NSUN4: variants seen among roughly 807,000 people sequenced by gnomAD.
NSUN4 encodes 5-cytosine rRNA methyltransferase NSUN4.
NSUN4 carries 31 observed loss-of-function variants against 43.8 expected under a neutral mutation model. The ratio of observed to expected loss-of-function variants is 0.71; its 90% confidence interval spans 0.53 to 0.96. NSUN4 has a LOEUF of 0.96. NSUN4 is among the 40% of genes least tolerant of loss of function. NSUN4 has a pLI of 0.00. For missense variants in NSUN4, 439 were observed against 475.6 expected (o/e 0.92, Z 0.72); for synonymous variants, 167 against 184.1 (o/e 0.91, Z 0.75).
At chr1:46,344,679 G>A in intron 1 of NSUN4, 122 bp from the exon 2 acceptor site, 2 of 791,246 alleles carry the variant, frequency 2.5e-6, no homozygotes, top group South Asian at 1.7e-5. Flanking sequence ...CAGGCAGGAT[G>A]CAAAAGCAGG....
chr1:46,351,202 C>G (rs1662952537), intron 3 of NSUN4, among the ~76,000 whole-genome samples: 1 of 151,986 alleles, frequency 6.6e-6, no homozygotes, highest in African/African-American at 2.4e-5. Flanking sequence ...CCCGTCTCTA[C>G]TAAAAATACA....
At chr1:46,346,672 C>T (rs1397733397) in intron 2 of NSUN4, among the ~76,000 whole-genome samples, 2 of 152,016 alleles carry the variant, frequency 1.3e-5, no homozygotes, top group Non-Finnish European at 2.9e-5. Context: ...TGCAGCGAGA[C>T]GAGATCGTGC....
Position 46,362,241 on chromosome 1 carries a change from G to C in NSUN4, c.*395G>C. On this transcript the variant is annotated 3_prime_UTR_variant, in exon 6 of 6. Transcript: ENST00000474844. The stretch of plus-strand genomic sequence containing the variant: ...CTTCATGTCAGTGCAAATGCCATTA[G>C]TTCCATTTGTACCAGCCAGTTACTG... The C allele has an allele frequency of 5.1e-6, 1 of 195,994 alleles. No homozygotes were observed. Among genetic ancestry groups the C allele is most frequent in the South Asian group, 1.1e-4 (1 of 9,146 alleles). 12.1% of individuals were successfully genotyped at this position (195,994 alleles called of 1,614,324 possible).
At chr1:46,356,431 G>A (rs917632944) in intron 4 of NSUN4, among the ~76,000 whole-genome samples, 2 of 152,180 alleles carry the variant, frequency 1.3e-5, no homozygotes, top group South Asian at 2.1e-4. Context: ...GGTGGCTCAC[G>A]CCTGTATTCC....
chr1:46,374,086 A>C, the NSUN4 span, among the ~76,000 whole-genome samples: 1 of 152,082 alleles, frequency 6.6e-6, no homozygotes, highest in Non-Finnish European at 1.5e-5. Context: ...CAGGAGTTTG[A>C]GATCAGCTTG....
chr1:46,343,957 G>A (rs1662302453), intron 1 of NSUN4: 1 of 395,998 alleles, frequency 2.5e-6, no homozygotes, highest in South Asian at 1.4e-4. Context: ...GAGGGCCAGA[G>A]CAAAAGTTCT....
At chr1:46,349,382 C>G (rs962703560) in intron 3 of NSUN4, among the ~76,000 whole-genome samples, 18 of 152,100 alleles carry the variant, frequency 1.2e-4, no homozygotes, top group Non-Finnish European at 2.6e-4. Context: ...CCTCGTGATC[C>G]GCCCACCTTG....
the NSUN4 span, among the ~76,000 whole-genome samples, chr1:46,381,649 C>T: frequency 0.22 from 34,104 of 151,998 alleles, 4,292 homozygotes; most frequent in Non-Finnish European, 0.29. Flanking sequence ...TTCCCTAGGA[C>T]TATATATTAT....
At position 46,352,966 on chromosome 1, in the gene NSUN4, G is replaced by C; in HGVS notation, c.691G>C (p.Val231Leu). ...VPEEIRDGNQVRVTSWDGRKW... is the reference protein window; with the variant it reads ...VPEEIRDGNQLRVTSWDGRKW... ...TGAAGAGATCAGGGATGGAAATCAA[G>C]TTCGAGTTACCTCATGGGATGGCAG... The change falls in exon 4 of 6, where the codon GTT becomes CTT. Residue 231 changes from valine to leucine, a missense_variant. By Grantham distance (32) the Val-to-Leu change is conservative (BLOSUM62 1). Transcript: ENST00000474844. The C allele has an allele frequency of 6.2e-7, 1 of 1,614,212 alleles. No homozygotes were observed. The highest frequency in any genetic ancestry group is 8.5e-7 in the Non-Finnish European group (1 of 1,180,016).
Position 46,347,118 on chromosome 1 carries a change from C to T in NSUN4, c.592+43C>T, listed in dbSNP as rs1401325593. The T allele has an allele frequency of 3.1e-6, 5 of 1,591,424 alleles. No homozygotes were observed. The African/African-American group carries it at 6.7e-5, about 21-fold the overall frequency. On this transcript the variant is annotated intron_variant, in intron 3 of 5. Coordinates refer to ENST00000474844, the MANE Select transcript of NSUN4 (RefSeq NM_199044.4). ...TGTGTTGGGCAGAGAGAGCTCCCCA[C>T]CTCACCTAGTCCCAGGTACATTTAA...
the NSUN4 span, among the ~76,000 whole-genome samples, chr1:46,378,893 C>G: frequency 6.6e-6 from 1 of 152,190 alleles, no homozygotes; most frequent in Non-Finnish European, 1.5e-5. Flanking sequence ...TGGGCTTTTT[C>G]TTATGGCAGT....
At chr1:46,354,943 T>G (rs1477335648) in intron 4 of NSUN4, among the ~76,000 whole-genome samples, 1 of 152,222 alleles carries the variant, frequency 6.6e-6, no homozygotes, top group African/African-American at 2.4e-5. Context: ...AGTGCTGGGA[T>G]TATAGGCGTG....
intron 1 of NSUN4, 180 bp downstream of exon 1, chr1:46,341,099 G>C: frequency 8.3e-7 from 1 of 1,207,336 alleles, no homozygotes. Context: ...TGTCCCGAGC[G>C]TTAGTGTCTT....
At chr1:46,356,027 A>C (rs904806677) in intron 4 of NSUN4, among the ~76,000 whole-genome samples, 1 of 152,000 alleles carries the variant, frequency 6.6e-6, no homozygotes, top group Non-Finnish European at 1.5e-5. Context: ...AAAAAAAAAA[A>C]AACTAGTTGT....
chr1:46,349,419 C>T (rs5013329), intron 3 of NSUN4, among the ~76,000 whole-genome samples: 34,554 of 151,772 alleles, frequency 0.23, 4,449 homozygotes, highest in Non-Finnish European at 0.29. Flanking sequence ...GGATTACAGG[C>T]GTGAGCCACC....
At chr1:46,349,401 A>T (rs1662815017) in intron 3 of NSUN4, among the ~76,000 whole-genome samples, 1 of 152,034 alleles carries the variant, frequency 6.6e-6, no homozygotes, top group African/African-American at 2.4e-5. Flanking sequence ...TGGCCTCCCA[A>T]AGTGCTGGGA....
At chr1:46,341,004 T>C in intron 1 of NSUN4, 85 bp downstream of exon 1, 2 of 1,325,238 alleles carry the variant, frequency 1.5e-6, no homozygotes, top group Non-Finnish European at 2.1e-6. Context: ...CTAGAACGCC[T>C]AGCGTCTTTC....
chr1:46,380,555 T>G, the NSUN4 span, among the ~76,000 whole-genome samples: 1 of 152,216 alleles, frequency 6.6e-6, no homozygotes, highest in Admixed American at 6.5e-5. Flanking sequence ...CTGCTTAAAA[T>G]AAAGTGAGCT....
At chr1:46,383,106 C>T in the NSUN4 span, among the ~76,000 whole-genome samples, 42 of 152,296 alleles carry the variant, frequency 2.8e-4, no homozygotes, top group South Asian at 8.3e-4. Context: ...TCCAGAAGTA[C>T]CCAGGACTGG....
Sources: allele counts gnomAD v4.1 joint callset (sites outside exome capture counted in the v4.1 genomes callset), GRCh38; gene constraint gnomAD v4.1.1; transcripts MANE v1.5; gene names NCBI Gene and HGNC (gene_info 2026-07-23, HGNC 2026-07-21).